NEDD4L: variants seen among roughly 807,000 people sequenced by gnomAD.
The protein encoded by NEDD4L is NEDD4 like E3 ubiquitin protein ligase.
NEDD4L carries 54 observed loss-of-function variants against 148.9 expected under a neutral mutation model. That is an observed-to-expected ratio of 0.36 (90% confidence interval 0.29 to 0.45). NEDD4L has a LOEUF of 0.45. NEDD4L is among the 20% of genes least tolerant of loss of function. NEDD4L has a pLI of 1.00. For synonymous variants in NEDD4L, 433 were observed against 440.7 expected, an observed-to-expected ratio of 0.98 and a Z score of 0.22; for missense variants, 856 against 1,233.8, an observed-to-expected ratio of 0.69 and a Z score of 4.59.
intron 2 of NEDD4L, among the ~76,000 whole-genome samples, chr18:58,207,784 A>G (rs889152840): frequency 3.3e-5 from 5 of 152,154 alleles, no homozygotes; most frequent in African/African-American, 1.2e-4. Context: ...TTTTTTGTTC[A>G]TGGAAGGTGG....
At position 58,231,988 on chromosome 18, in the gene NEDD4L, A is replaced by G. The variant is rs187263690; in HGVS notation, c.123-13439A>G. Among the ~76,000 whole-genome samples the G allele has an allele frequency of 2.2e-3, 342 of 152,342 alleles. 1 individual carries two copies. Among genetic ancestry groups the G allele is most frequent in the Non-Finnish European group, 4.0e-3 (270 of 68,016 alleles). ...ATAACAGAGGTCTGACTCCATGGCT[A>G]TTATAGGAGAGGTGCATTTTGTTCT... On this transcript the variant is annotated intron_variant, in intron 2 of 30. Transcript: ENST00000400345.
chr18:58,084,269 C>G (rs1346486101), intron 1 of NEDD4L, among the ~76,000 whole-genome samples: 5 of 152,068 alleles, frequency 3.3e-5, no homozygotes, highest in African/African-American at 9.7e-5. Flanking sequence ...GAAACAAGGA[C>G]TAACTGCTAA....
At chr18:58,089,582 C>T (rs2083952054) in intron 1 of NEDD4L, among the ~76,000 whole-genome samples, 1 of 152,068 alleles carries the variant, frequency 6.6e-6, no homozygotes. Flanking sequence ...AACACTTGAA[C>T]CTTTGGATTC....
Position 58,389,324 on chromosome 18 carries a change from G to T in NEDD4L, c.2655+132G>T. On this transcript the variant is annotated intron_variant, in intron 28 of 30. Transcript: ENST00000400345. ...GGGTCTGTTAGAGCTTGGACTGCTG[G>T]GGGAGGGAAGAGGCAAACTGAGCCA... 3 of 638,800 alleles carry T rather than the reference G, an allele frequency of 4.7e-6. No individual in the cohort carries two copies. In the South Asian group the frequency reaches 6.8e-5, roughly 15 times the overall value. 39.6% of individuals were successfully genotyped at this position (638,800 alleles called of 1,614,324 possible). A position where few individuals can be genotyped will look rare whatever the true frequency, so the allele number is the denominator to read the frequency against.
At chr18:58,234,093 CTTTCTTTCT>C (rs774130622) in intron 2 of NEDD4L, among the ~76,000 whole-genome samples, 5,202 of 101,078 alleles carry the variant, frequency 0.051, 114 homozygotes, top group African/African-American at 0.078. Flanking sequence ...TTCTTTCTTT[CTTTCTTTCT>C]TTTCTTTTCT....
At chr18:58,362,557 C>T (rs2045618743) in intron 19 of NEDD4L, among the ~76,000 whole-genome samples, 1 of 152,112 alleles carries the variant, frequency 6.6e-6, no homozygotes, top group South Asian at 2.1e-4. Context: ...TTTTTTAGTT[C>T]CTATGGGGTC....
intron 12 of NEDD4L, 79 bp from the exon 13 acceptor site, chr18:58,335,399 C>T: frequency 8.5e-7 from 1 of 1,177,382 alleles, no homozygotes; most frequent in South Asian, 1.2e-5. Context: ...TACAGCGCTG[C>T]CACAGCAGTG....
intron 1 of NEDD4L, among the ~76,000 whole-genome samples, chr18:58,094,226 C>T (rs936069043): frequency 6.6e-6 from 1 of 151,386 alleles, no homozygotes; most frequent in African/African-American, 2.4e-5. Flanking sequence ...CATCTGTTGC[C>T]CAGGCTGGAG....
chr18:58,186,600 C>CTTTATATGCTTTATAAGCTTT (rs2039509008), intron 2 of NEDD4L, among the ~76,000 whole-genome samples: 1 of 152,172 alleles, frequency 6.6e-6, no homozygotes, highest in African/African-American at 2.4e-5. Flanking sequence ...CTTTATATGG[C>CTTTATATGCTTTATAAGCTTT]ATAATTAAAT....
intron 1 of NEDD4L, among the ~76,000 whole-genome samples, chr18:58,094,631 G>C (rs1370898956): frequency 6.6e-6 from 1 of 152,174 alleles, no homozygotes. Context: ...CGTGGACTGT[G>C]TTTATTCGTA....
chr18:58,113,045 A>G (rs2145693761), intron 1 of NEDD4L, among the ~76,000 whole-genome samples: 1 of 152,328 alleles, frequency 6.6e-6, no homozygotes, highest in South Asian at 2.1e-4. Flanking sequence ...GGCCCTAGTC[A>G]GACACTGAAT....
At chr18:58,387,754 A>G in intron 27 of NEDD4L, 1 of 356,832 alleles carries the variant, frequency 2.8e-6, no homozygotes, top group East Asian at 6.7e-5. Context: ...ATCAGAGGGC[A>G]GTTCTGGAAC....
At chr18:58,198,043 C>T (rs1265075419) in intron 2 of NEDD4L, among the ~76,000 whole-genome samples, 1 of 152,148 alleles carries the variant, frequency 6.6e-6, no homozygotes, top group Admixed American at 6.5e-5. Flanking sequence ...CACCCCTTGG[C>T]ACCCCTACAT....
chr18:58,346,896 T>C (rs1356530000), intron 16 of NEDD4L, among the ~76,000 whole-genome samples: 1 of 152,032 alleles, frequency 6.6e-6, no homozygotes, highest in African/African-American at 2.4e-5. Flanking sequence ...CGCCACTTCA[T>C]GTGCCCTGGC....
chr18:58,387,529 G>T, intron 27 of NEDD4L, 31 bp downstream of exon 27: 1 of 1,499,708 alleles, frequency 6.7e-7, no homozygotes, highest in Non-Finnish European at 8.9e-7. Flanking sequence ...TTTATGTAAA[G>T]TGGATTTTTT....
intron 1 of NEDD4L, among the ~76,000 whole-genome samples, chr18:58,089,110 C>T (rs188734151): frequency 8.0e-4 from 117 of 146,966 alleles, no homozygotes; most frequent in African/African-American, 2.8e-3. Flanking sequence ...TCTACCCATT[C>T]AAGTTTTATT....
intron 2 of NEDD4L, among the ~76,000 whole-genome samples, chr18:58,196,875 C>G (rs2040770095): frequency 6.6e-6 from 1 of 152,128 alleles, no homozygotes; most frequent in South Asian, 2.1e-4. Context: ...AAGTCTCAGG[C>G]TGCCTTAGAC....
intron 2 of NEDD4L, among the ~76,000 whole-genome samples, chr18:58,174,805 G>A (rs1179911721): frequency 3.3e-5 from 5 of 152,134 alleles, no homozygotes; most frequent in African/African-American, 9.7e-5. Flanking sequence ...CAGGTGACCA[G>A]CAAGTAACGA....
chr18:58,290,028 TATGA>T (rs2054490630), intron 5 of NEDD4L, among the ~76,000 whole-genome samples: 1 of 152,260 alleles, frequency 6.6e-6, no homozygotes, highest in Non-Finnish European at 1.5e-5. Context: ...CATCTATTTG[TATGA>T]TTAAAACAAA....
Sources: allele counts gnomAD v4.1 joint callset (sites outside exome capture counted in the v4.1 genomes callset), GRCh38; gene constraint gnomAD v4.1.1; transcripts MANE v1.5; gene names NCBI Gene and HGNC (gene_info 2026-07-23, HGNC 2026-07-21).